The following LYZL1 variants were observed in gnomAD, a reference collection of about 807,000 sequenced individuals.
LYZL1 encodes lysozyme-like protein 1.
LYZL1 carries 16 observed loss-of-function variants against 17.9 expected under a neutral mutation model. That is an observed-to-expected ratio of 0.90 (90% CI 0.61 to 1.36). The LOEUF (loss-of-function observed/expected upper bound fraction) is 1.36, where lower values mean the gene tolerates loss of function less well. LYZL1 is among the 40% of genes most tolerant of loss of function. The pLI is 0.00. For missense variants in LYZL1, 149 were observed against 188.4 expected, an observed-to-expected ratio of 0.79 and a Z score of 1.22; for synonymous variants, 58 against 71.8, an observed-to-expected ratio of 0.81 and a Z score of 0.97.
intron 3 of LYZL1, among the ~76,000 whole-genome samples, chr10:29,293,160 T>C (rs1835400588): frequency 7.8e-6 from 1 of 127,872 alleles, no homozygotes; most frequent in African/African-American, 2.8e-5. Flanking sequence ...TGAGACAGGG[T>C]CTCACTCTGT....
downstream of LYZL1, among the ~76,000 whole-genome samples, chr10:29,312,572 C>A (rs1245239628): frequency 1.3e-5 from 2 of 152,154 alleles, no homozygotes; most frequent in Non-Finnish European, 1.5e-5. Context: ...TTGTTTTCAA[C>A]CTTAGACGTG....
downstream of LYZL1, among the ~76,000 whole-genome samples, chr10:29,314,000 C>T (rs1339832628): frequency 2.0e-5 from 3 of 152,192 alleles, no homozygotes; most frequent in Non-Finnish European, 4.4e-5. Flanking sequence ...CAACTTGTTC[C>T]CTGTTGTTCC....
chr10:29,289,340 G>C, intron 1 of LYZL1, 110 bp downstream of exon 1: 1 of 851,768 alleles, frequency 1.2e-6, no homozygotes, highest in South Asian at 3.4e-5. Context: ...ACTTGTTTGA[G>C]ATCAGTAAAA....
At chr10:29,291,507 G>A (rs1474308600) in intron 1 of LYZL1, among the ~76,000 whole-genome samples, 2 of 151,482 alleles carry the variant, frequency 1.3e-5, no homozygotes, top group African/African-American at 2.4e-5. Context: ...TTTCACCCCT[G>A]TATTCTATTT....
intron 3 of LYZL1, among the ~76,000 whole-genome samples, chr10:29,302,763 G>A (rs193247548): frequency 1.3e-5 from 2 of 152,206 alleles, no homozygotes; most frequent in African/African-American, 4.8e-5. Flanking sequence ...CATAGTTGCC[G>A]TACCCCGCGG....
rs746748983 is a variant in LYZL1 at position 29,291,826 on chromosome 10, C to T, written c.-25-17C>T. 1.9e-6 allele frequency: 3 copies of T among 1,548,388 alleles called. No homozygotes were observed. The highest frequency in any genetic ancestry group is 4.5e-5 in the East Asian group (2 of 44,694). On this transcript the variant is annotated splice_polypyrimidine_tract_variant and intron_variant, in intron 1 of 4. Transcript: ENST00000649382. ...CTGAACCAAGATCGTCTGACCTGTT[C>T]TCCGGCTCTTTGGCAGGTTCTGTCT...
At chr10:29,305,882 A>G (rs1835581655) in intron 3 of LYZL1, among the ~76,000 whole-genome samples, 2 of 152,248 alleles carry the variant, frequency 1.3e-5, no homozygotes, top group South Asian at 2.1e-4. Context: ...AACTCAGGGA[A>G]ATAGCATGCT....
chr10:29,311,292 C>CA (rs1835669652), downstream of LYZL1: 3 of 1,335,496 alleles, frequency 2.2e-6, no homozygotes, highest in Admixed American at 9.3e-5. Flanking sequence ...ATCACCTCCA[C>CA]AATGCTCTAG....
intron 3 of LYZL1, among the ~76,000 whole-genome samples, chr10:29,303,877 C>CG (rs1490391322): frequency 2.0e-5 from 3 of 152,190 alleles, no homozygotes; most frequent in Non-Finnish European, 2.9e-5. Context: ...TTACAAGGTA[C>CG]GTGACGTTAT....
chr10:29,302,148 G>T (rs970750844), intron 3 of LYZL1, among the ~76,000 whole-genome samples: 3 of 152,124 alleles, frequency 2.0e-5, no homozygotes, highest in African/African-American at 7.2e-5. Context: ...CTCCTGGTAT[G>T]TGCCACATTT....
downstream of LYZL1, among the ~76,000 whole-genome samples, chr10:29,315,522 A>AAAAT (rs953300940): frequency 5.3e-4 from 80 of 151,862 alleles, no homozygotes; most frequent in East Asian, 4.3e-3. Flanking sequence ...AAAATAAATA[A>AAAAT]AAATAAATAA....
chr10:29,297,564 T>G (rs1255471397), intron 3 of LYZL1, among the ~76,000 whole-genome samples: 1 of 152,242 alleles, frequency 6.6e-6, no homozygotes, highest in South Asian at 2.1e-4. Flanking sequence ...TGCACCATTC[T>G]GCTTTGTCTC....
At chr10:29,308,171 C>CCT (rs1476357144) in intron 3 of LYZL1, among the ~76,000 whole-genome samples, 1 of 152,214 alleles carries the variant, frequency 6.6e-6, no homozygotes, top group African/African-American at 2.4e-5. Flanking sequence ...GTGCTGCCCC[C>CCT]GCTGCAGTTG....
At chr10:29,302,767 C>T (rs184050516) in intron 3 of LYZL1, among the ~76,000 whole-genome samples, 4 of 152,244 alleles carry the variant, frequency 2.6e-5, no homozygotes, top group African/African-American at 7.2e-5. Flanking sequence ...GTTGCCGTAC[C>T]CCGCGGACAC....
At chr10:29,308,035 C>A (rs967082486) in intron 3 of LYZL1, among the ~76,000 whole-genome samples, 21 of 152,144 alleles carry the variant, frequency 1.4e-4, no homozygotes, top group African/African-American at 5.1e-4. Flanking sequence ...CAAAACAAAA[C>A]AAAACAAAAC....
chr10:29,317,452 C>A (rs548739825), intron 4 of LYZL1: 1 of 152,172 alleles, frequency 6.6e-6, no homozygotes, highest in Non-Finnish European at 1.5e-5. Flanking sequence ...TTGGTTGGTA[C>A]GTAGAGAAAA....
At position 29,310,977 on chromosome 10, in the gene LYZL1, C is replaced by G. The variant is rs1301711571; in HGVS notation, c.378-13C>G. The G allele has an allele frequency of 6.2e-7, 1 of 1,614,206 alleles. No individual in the cohort carries two copies. The highest frequency in any genetic ancestry group is 1.3e-5 in the African/African-American group (1 of 75,066). ...GCTTCTTTCTGCTGCTCCTGCTTCC[C>G]TCTCATCCTCAGGCAAGGCTGGAAG... On this transcript the variant is annotated splice_polypyrimidine_tract_variant and intron_variant, in intron 4 of 4. Coordinates refer to ENST00000649382, the MANE Select transcript of LYZL1 (RefSeq NM_032517.6).
chr10:29,306,505 C>G (rs10826608), intron 3 of LYZL1, among the ~76,000 whole-genome samples: 13,078 of 128,698 alleles, frequency 0.1, 1,099 homozygotes, highest in African/African-American at 0.2. Context: ...AGCCGAGATC[C>G]CGCCACTGCA....
intron 4 of LYZL1, among the ~76,000 whole-genome samples, chr10:29,317,902 G>C (rs114216156): frequency 0.035 from 5,272 of 150,272 alleles, 153 homozygotes; most frequent in South Asian, 0.078. Flanking sequence ...TATAATGACA[G>C]CACCGCACTC....
Sources: allele counts gnomAD v4.1 joint callset (sites outside exome capture counted in the v4.1 genomes callset), GRCh38; gene constraint gnomAD v4.1.1; transcripts MANE v1.5; gene names NCBI Gene and HGNC (gene_info 2026-07-23, HGNC 2026-07-21).